The following LYPD6 variants were observed in gnomAD, a reference collection of about 807,000 sequenced individuals.
The protein encoded by LYPD6 is LY6/PLAUR domain containing 6.
Under a neutral mutation model 22.7 loss-of-function variants are expected in LYPD6, and 15 were observed. That is an observed-to-expected ratio of 0.66 (90% CI 0.44 to 1.02). The LOEUF is 1.02. Among genes scored for constraint, LYPD6 ranks in the 50% least tolerant of loss-of-function variants. The probability of loss-of-function intolerance (pLI) is 0.00; values close to 1 mark genes in which losing one functional copy is unlikely to be tolerated. For synonymous variants in LYPD6, 72 were observed against 77.5 expected (o/e 0.93, Z 0.37); for missense variants, 189 against 208.4 (o/e 0.91, Z 0.57).
intron 1 of LYPD6, among the ~76,000 whole-genome samples, chr2:149,354,442 G>A (rs189959112): frequency 2.1e-3 from 325 of 152,126 alleles, no homozygotes; most frequent in Middle Eastern, 0.01. Flanking sequence ...TCCTGACCTC[G>A]TGATCTGCCC....
upstream of LYPD6, chr2:149,330,102 A>G (rs1680898618): frequency 1.3e-5 from 2 of 152,006 alleles, no homozygotes; most frequent in Admixed American, 6.5e-5. Flanking sequence ...AGATTTGGCC[A>G]GGGTCATTTC....
intron 1 of LYPD6, among the ~76,000 whole-genome samples, chr2:149,407,334 A>G (rs1400444431): frequency 2.6e-5 from 4 of 152,204 alleles, no homozygotes; most frequent in African/African-American, 7.2e-5. Flanking sequence ...GTGTTTTCCA[A>G]CTTGGTTCCA....
chr2:149,424,984 A>G (rs1683159829), intron 1 of LYPD6, among the ~76,000 whole-genome samples: 1 of 152,166 alleles, frequency 6.6e-6, no homozygotes, highest in Non-Finnish European at 1.5e-5. Flanking sequence ...ACCTTGGATC[A>G]GGGAGTCCAG....
chr2:149,476,988 A>G (rs964295477), downstream of LYPD6, among the ~76,000 whole-genome samples: 6 of 152,154 alleles, frequency 3.9e-5, no homozygotes, highest in Non-Finnish European at 8.8e-5. Flanking sequence ...GAAGCTTGGC[A>G]CTGAGGTGCG....
chr2:149,352,147 A>G (rs967400610), intron 1 of LYPD6, among the ~76,000 whole-genome samples: 3 of 152,230 alleles, frequency 2.0e-5, no homozygotes, highest in East Asian at 1.9e-4. Flanking sequence ...AAATGTGTAC[A>G]TGGAAGAAGA....
intron 1 of LYPD6, among the ~76,000 whole-genome samples, chr2:149,336,100 A>G (rs558271744): frequency 1.2e-4 from 18 of 152,324 alleles, no homozygotes; most frequent in African/African-American, 3.8e-4. Context: ...CTCCTCATTC[A>G]TGACCTTTTC....
intron 1 of LYPD6, among the ~76,000 whole-genome samples, chr2:149,331,442 CCTCA>C (rs1218022013): frequency 2.0e-5 from 3 of 152,340 alleles, no homozygotes; most frequent in Middle Eastern, 3.4e-3. Flanking sequence ...CCCACCATAT[CCTCA>C]CTATCTCTAC....
intron 3 of LYPD6, among the ~76,000 whole-genome samples, chr2:149,462,452 T>TTTTC (rs916911788): frequency 1.4e-4 from 21 of 151,760 alleles, no homozygotes; most frequent in Admixed American, 1.3e-3. Flanking sequence ...TGTTCATAGA[T>TTTTC]TGAAAGACAA....
chr2:149,362,179 A>G (rs528132541), intron 1 of LYPD6, among the ~76,000 whole-genome samples: 1 of 152,308 alleles, frequency 6.6e-6, no homozygotes, highest in African/African-American at 2.4e-5. Flanking sequence ...ATTTTGTGGT[A>G]ATTTGTTACA....
At chr2:149,445,611 A>C (rs541148276) in intron 2 of LYPD6, among the ~76,000 whole-genome samples, 2 of 152,274 alleles carry the variant, frequency 1.3e-5, no homozygotes, top group Admixed American at 1.3e-4. Context: ...TTTTTCCTTA[A>C]ACCTTGTGAA....
chr2:149,424,400 G>A (rs1683147834), intron 1 of LYPD6, among the ~76,000 whole-genome samples: 1 of 152,160 alleles, frequency 6.6e-6, no homozygotes, highest in Non-Finnish European at 1.5e-5. Context: ...TGTCCCTACG[G>A]CATAGAAGCT....
chr2:149,416,024 G>T (rs1408034152), intron 1 of LYPD6, among the ~76,000 whole-genome samples: 1 of 87,668 alleles, frequency 1.1e-5, no homozygotes, highest in Non-Finnish European at 2.3e-5. Flanking sequence ...TAACAATCCC[G>T]AGTCAAAGTT....
intron 2 of LYPD6, among the ~76,000 whole-genome samples, chr2:149,445,097 T>C (rs1338881788): frequency 6.6e-6 from 1 of 152,208 alleles, no homozygotes. Context: ...GACATTAATT[T>C]CCTTGTAGAT....
At chr2:149,436,802 C>T (rs538301357) in intron 1 of LYPD6, among the ~76,000 whole-genome samples, 1 of 152,278 alleles carries the variant, frequency 6.6e-6, no homozygotes, top group African/African-American at 2.4e-5. Context: ...AGGCTGGTCT[C>T]GATCTCCCAA....
At position 149,459,901 on chromosome 2, in the gene LYPD6, CAA is replaced by C. The variant is rs35923768; in HGVS notation, c.218-8729_218-8728del. 7.4e-3 allele frequency among the ~76,000 whole-genome samples: 1,013 copies of C among 137,444 alleles called. 11 individuals carry two copies. The East Asian group carries it at 0.078, about 11-fold the overall frequency. 90.2% of individuals were successfully genotyped at this position (137,444 alleles called of 152,430 possible). A position where few individuals can be genotyped will look rare whatever the true frequency, so the allele number is the denominator to read the frequency against. ...TGGGTGACAGAGTAAGACTTTGTCTCAAAAAAAAAAAAAAAATTATTACAAAC... is the reference window on the plus strand; with the variant it reads ...TGGGTGACAGAGTAAGACTTTGTCTCAAAAAAAAAAAAAATTATTACAAAC... On this transcript the variant is annotated intron_variant, in intron 3 of 4. Transcript: ENST00000334166.
At position 149,437,797 on chromosome 2, in the gene LYPD6, T is replaced by C; in HGVS notation, c.89T>C (p.Val30Ala). Residue 30 changes from valine (V) to alanine (A), a missense_variant, in exon 2 of 5, where the codon GTG (valine) becomes GCG (alanine). Physicochemically the swap from Val to Ala is moderately conservative, Grantham distance 64. Transcript: ENST00000334166. ...GCTGCTCAGTCCCGAGACTTCACAG[T>C]GAAAGACATTATCTACCTCCATCCT... ...LKAAQSRDFT[V>A]KDIIYLHPST... The C allele has an allele frequency of 6.2e-7, 1 of 1,614,170 alleles. No individual in the cohort carries two copies. Among genetic ancestry groups the C allele is most frequent in the Non-Finnish European group, 8.5e-7 (1 of 1,180,004 alleles).
intron 1 of LYPD6, among the ~76,000 whole-genome samples, chr2:149,357,877 C>T (rs1681477965): frequency 6.6e-6 from 1 of 151,358 alleles, no homozygotes; most frequent in South Asian, 2.1e-4. Flanking sequence ...CCTCCACCTT[C>T]CAGGTTCAAG....
rs1681351010 is a variant in LYPD6 at position 149,472,172 on chromosome 2, A to C, written c.*1322A>C. On this transcript the variant is annotated 3_prime_UTR_variant, in exon 5 of 5. Transcript: ENST00000334166. ...TCTAAAAAATTCATTATTCTGAACA[A>C]AGTGATCAAATTAGAATACATATTT... The C allele has an allele frequency of 1.3e-5, 2 of 152,208 alleles. No individual in the cohort carries two copies. Among genetic ancestry groups the C allele is most frequent in the African/African-American group, 4.8e-5 (2 of 41,464 alleles). 9.4% of individuals were successfully genotyped at this position (152,208 alleles called of 1,614,324 possible).
At chr2:149,339,948 AC>A (rs1444030787) in intron 1 of LYPD6, among the ~76,000 whole-genome samples, 2 of 152,166 alleles carry the variant, frequency 1.3e-5, no homozygotes, top group African/African-American at 4.8e-5. Flanking sequence ...TGATCACCTA[AC>A]CGAATGAATT....
Sources: allele counts gnomAD v4.1 joint callset (sites outside exome capture counted in the v4.1 genomes callset), GRCh38; gene constraint gnomAD v4.1.1; transcripts MANE v1.5; gene names NCBI Gene and HGNC (gene_info 2026-07-23, HGNC 2026-07-21).